Variants in CFAP53 observed in about 807,000 individuals in gnomAD.
The protein encoded by CFAP53 is cilia- and flagella-associated protein 53.
In CFAP53, 62 loss-of-function variants were observed where a neutral mutation model predicts 59.7. The observed-to-expected ratio is 1.04, with a 90% CI of 0.85 to 1.28. CFAP53 has a LOEUF of 1.28. Among genes scored for constraint, CFAP53 ranks in the 50% most tolerant of loss-of-function variants. The pLI is 0.00. For synonymous variants in CFAP53, 218 were observed against 205.7 expected, an observed-to-expected ratio of 1.06 and a Z score of -0.51; for missense variants, 629 against 615.6, an observed-to-expected ratio of 1.02 and a Z score of -0.23.
chr18:50,242,823 A>G, intron 6 of CFAP53, 77 bp downstream of exon 6: 1 of 1,165,272 alleles, frequency 8.6e-7, no homozygotes, highest in Non-Finnish European at 1.3e-6. Context: ...AATAAGTATT[A>G]TGGTTGTTAG....
At chr18:50,261,528 G>T (rs113227011) in intron 2 of CFAP53, among the ~76,000 whole-genome samples, 446 of 151,994 alleles carry the variant, frequency 2.9e-3, no homozygotes, top group Non-Finnish European at 5.4e-3. Flanking sequence ...GAACAGCTGG[G>T]ACTACAGGCA....
At position 50,251,779 on chromosome 18, in the gene CFAP53, C is replaced by T. The variant is rs372600058; in HGVS notation, c.479G>A (p.Arg160His). 1.9e-6 allele frequency: 3 copies of T among 1,611,396 alleles called. No individual in the cohort carries two copies. Among genetic ancestry groups the T allele is most frequent in the Non-Finnish European group, 2.5e-6 (3 of 1,178,584 alleles). Reference sequence around the variant, plus strand: ...CAATTCAACACGGAGCTCCTCACAGCGTTCCCTGAAAGGAAAATTTTAAAA... The same window carrying T: ...CAATTCAACACGGAGCTCCTCACAGTGTTCCCTGAAAGGAAAATTTTAAAA... ...AEKLDQQFRERCEELRVELLS... is the reference protein window; with the variant it reads ...AEKLDQQFREHCEELRVELLS... Residue 160 changes from arginine to histidine, a missense_variant, in exon 4 of 8, where the codon CGC becomes CAC. Arg to His is a conservative substitution (Grantham distance 29, BLOSUM62 0). Coordinates refer to ENST00000398545, the MANE Select transcript of CFAP53 (RefSeq NM_145020.5).
chr18:50,262,688 C>T (rs747724165), intron 1 of CFAP53, among the ~76,000 whole-genome samples: 8 of 151,990 alleles, frequency 5.3e-5, no homozygotes, highest in Admixed American at 6.6e-5. Context: ...TGAAAAGGTG[C>T]TACTATGCGA....
Position 50,261,072 on chromosome 18 carries a change from C to T in CFAP53, c.465G>A (p.Gln155=). Residue 155 remains glutamine (Q), a synonymous_variant, in exon 3 of 8, where the codon CAG becomes CAA. Transcript: ENST00000398545. ...RQDFVAEKLD[Q]QFRERCEELR... ...TTTTCTGATTTCATTACCTGAATTG[C>T]TGGTCTAGCTTTTCAGCCACAAAAT... 6.3e-7 allele frequency: 1 copy of T among 1,592,572 alleles called. No homozygotes were observed. Among genetic ancestry groups the T allele is most frequent in the South Asian group, 1.2e-5 (1 of 85,036 alleles).
At position 50,243,024 on chromosome 18, in the gene CFAP53, T is replaced by G. The variant is rs770764158; in HGVS notation, c.1089A>C (p.Ile363=). The G allele has an allele frequency of 1.7e-5, 28 of 1,613,940 alleles. No homozygotes were observed. In the Admixed American group the frequency reaches 2.0e-4, roughly 12 times the overall value. ...EKAQEKEFDR[I]LEEDKAKKLA... The stretch of plus-strand genomic sequence containing the variant: ...ACTTCTTTGCCTTGTCTTCCTCTAA[T>G]ATTCTGTCAAATTCTTTCTCCTGAG... The change falls in exon 6 of 8, where the codon ATA becomes ATC. Residue 363 remains isoleucine, a synonymous_variant. Coordinates refer to ENST00000398545, the MANE Select transcript of CFAP53 (RefSeq NM_145020.5).
At chr18:50,251,006 A>C in intron 4 of CFAP53, 30 bp from the exon 5 acceptor site, 1 of 1,574,736 alleles carries the variant, frequency 6.4e-7, no homozygotes, top group Non-Finnish European at 8.7e-7. Context: ...AAGATAATGC[A>C]TCAGTACAGT....
intron 3 of CFAP53, among the ~76,000 whole-genome samples, chr18:50,252,837 G>A (rs1599127524): frequency 6.6e-6 from 1 of 152,296 alleles, no homozygotes; most frequent in Middle Eastern, 3.4e-3. Context: ...AACACAGTGA[G>A]ACCTTGTCTC....
In CFAP53 at chr18:50,250,963, G is replaced by A; in HGVS notation, c.791C>T (p.Ala264Val). 5 of 1,613,768 alleles carry A rather than the reference G, an allele frequency of 3.1e-6. No individual in the cohort carries two copies. The highest frequency in any genetic ancestry group is 1.1e-5 in the South Asian group (1 of 91,074). ...EEARLVESNNAQIKHENEQDM... is the reference protein window; with the variant it reads ...EEARLVESNNVQIKHENEQDM... ...CTGTTCATTCTCATGTTTAATCTGT[G>A]CGTTGTTACTTTCCTAAGGTAGAAT... Residue 264 changes from alanine to valine, a missense_variant, in exon 5 of 8, where the codon GCA becomes GTA. Ala to Val is a moderately conservative substitution (Grantham distance 64). Coordinates refer to ENST00000398545, the MANE Select transcript of CFAP53 (RefSeq NM_145020.5).
chr18:50,245,577 T>C (rs1319013054), intron 5 of CFAP53, among the ~76,000 whole-genome samples: 1 of 152,166 alleles, frequency 6.6e-6, no homozygotes, highest in African/African-American at 2.4e-5. Context: ...ATGTATACTC[T>C]GAAAACTAAG....
intron 6 of CFAP53, 66 bp from the exon 7 acceptor site, chr18:50,238,771 G>GT: frequency 7.8e-6 from 9 of 1,160,916 alleles, no homozygotes; most frequent in Non-Finnish European, 1.1e-5. Context: ...CATCTTTCTG[G>GT]GCACCAGAGT....
intron 7 of CFAP53, among the ~76,000 whole-genome samples, chr18:50,237,332 ATATATATATAT>A (rs2033645560): frequency 5.0e-5 from 1 of 19,926 alleles, no homozygotes; most frequent in African/African-American, 1.3e-4. Flanking sequence ...AAAAAAAAAT[ATATATATATAT>A]ATATATATAC....
rs1285476749 is a variant in CFAP53 at position 50,259,459 on chromosome 18, TG to T, written c.473+1604del. Among the ~76,000 whole-genome samples, 8 of 40,078 alleles carry T rather than the reference TG, an allele frequency of 2.0e-4. No homozygotes were observed. In the East Asian group the frequency reaches 4.6e-3, roughly 23 times the overall value. 26.3% of individuals were successfully genotyped at this position (40,078 alleles called of 152,430 possible). On this transcript the variant is annotated intron_variant, in intron 3 of 7. Coordinates refer to ENST00000398545, the MANE Select transcript of CFAP53 (RefSeq NM_145020.5). ...GGTTACCAGAGGCTGGGAAGGATAG[TG>T]GGGGGTTGGGGGTGGAGGTGGGGAC...
At chr18:50,246,487 G>A (rs1157113046) in intron 5 of CFAP53, among the ~76,000 whole-genome samples, 1 of 152,106 alleles carries the variant, frequency 6.6e-6, no homozygotes, top group Non-Finnish European at 1.5e-5. Context: ...TGGATCAAAA[G>A]CCTAAATGTA....
At chr18:50,249,503 G>A (rs1377219442) in intron 5 of CFAP53, among the ~76,000 whole-genome samples, 1 of 150,408 alleles carries the variant, frequency 6.6e-6, no homozygotes, top group African/African-American at 2.5e-5. Flanking sequence ...GAGTGACAGG[G>A]CAAGACTGTC....
intron 6 of CFAP53, among the ~76,000 whole-genome samples, chr18:50,240,066 T>C (rs1377629503): frequency 1.3e-5 from 2 of 152,120 alleles, no homozygotes; most frequent in Non-Finnish European, 2.9e-5. Flanking sequence ...GATCAACTGC[T>C]CCACCCTGAC....
intron 5 of CFAP53, 140 bp from the exon 6 acceptor site, chr18:50,243,256 A>G: frequency 1.5e-6 from 1 of 647,960 alleles, no homozygotes; most frequent in Admixed American, 2.9e-5. Context: ...GTATGTCTGG[A>G]GTTTATTCCA....
rs71169499 is a variant in CFAP53, at chr18:50,261,252, C to CAAA, written c.300-18_300-16dup. On this transcript the variant is annotated splice_polypyrimidine_tract_variant and intron_variant, in intron 2 of 7. Transcript: ENST00000398545. ...GCTCACGTAGCCTGAAACAAAAAGC[C>CAAA]AAAAAAAAAAAAAAAAAAAGAAAAC... The CAAA allele has an allele frequency of 6.7e-5, 82 of 1,215,496 alleles. No individual in the cohort carries two copies. In the African/African-American group the frequency reaches 8.6e-4, roughly 13 times the overall value. The allele number at this position is 1,215,496 out of a possible 1,614,324, so 75.3% of individuals were successfully genotyped here.
intron 7 of CFAP53, among the ~76,000 whole-genome samples, chr18:50,228,544 A>G (rs997346986): frequency 4.0e-5 from 6 of 151,740 alleles, no homozygotes; most frequent in African/African-American, 1.2e-4. Flanking sequence ...TAATCCCAGC[A>G]CTTGGGAGGC....
chr18:50,236,458 C>T (rs1262865557), intron 7 of CFAP53, among the ~76,000 whole-genome samples: 4 of 152,198 alleles, frequency 2.6e-5, no homozygotes, highest in Middle Eastern at 3.2e-3. Context: ...CTTGTAACTA[C>T]TTTTGGAATA....
Sources: allele counts gnomAD v4.1 joint callset (sites outside exome capture counted in the v4.1 genomes callset), GRCh38; gene constraint gnomAD v4.1.1; transcripts MANE v1.5; gene names NCBI Gene and HGNC (gene_info 2026-07-23, HGNC 2026-07-21).